The following NIPAL2 variants were observed in gnomAD, a reference collection of about 807,000 sequenced individuals.
The protein encoded by NIPAL2 is NIPA like domain containing 2, also known as NIPA-like protein 2.
NIPAL2 carries 43 observed loss-of-function variants against 48.9 expected under a neutral mutation model. That is an observed-to-expected ratio of 0.88 (90% CI 0.69 to 1.13). The LOEUF (loss-of-function observed/expected upper bound fraction) is 1.13, where lower values mean the gene tolerates loss of function less well. Among genes scored for constraint, NIPAL2 ranks in the 50% most tolerant of loss-of-function variants. The pLI is 0.00. For synonymous variants in NIPAL2, 167 were observed against 174.6 expected (o/e 0.96, Z 0.34); for missense variants, 446 against 461.4 (o/e 0.97, Z 0.31).
At chr8:98,275,444 C>G (rs1431969785) in intron 1 of NIPAL2, among the ~76,000 whole-genome samples, 1 of 152,136 alleles carries the variant, frequency 6.6e-6, no homozygotes, top group Non-Finnish European at 1.5e-5. Context: ...CATTCCTTCT[C>G]ATTGCTGAGT....
At chr8:98,265,896 T>C (rs1814692757) in intron 1 of NIPAL2, among the ~76,000 whole-genome samples, 1 of 151,650 alleles carries the variant, frequency 6.6e-6, no homozygotes, top group Non-Finnish European at 1.5e-5. Flanking sequence ...TGTCCAACAA[T>C]GATAGACTGG....
chr8:98,289,722 A>C (rs1429706569), intron 1 of NIPAL2, among the ~76,000 whole-genome samples: 1 of 152,140 alleles, frequency 6.6e-6, no homozygotes, highest in African/African-American at 2.4e-5. Context: ...ATACATAAGG[A>C]AGGGAACAAA....
intron 1 of NIPAL2, among the ~76,000 whole-genome samples, chr8:98,288,825 A>C (rs890194167): frequency 1.3e-5 from 2 of 152,244 alleles, no homozygotes; most frequent in African/African-American, 4.8e-5. Context: ...ATAAATTGTC[A>C]TACGGGAAAT....
At chr8:98,212,603 GAGGGTGA>G in intron 5 of NIPAL2, 102 bp from the exon 6 acceptor site, 1 of 621,094 alleles carries the variant, frequency 1.6e-6, no homozygotes, top group Non-Finnish European at 2.8e-6. Context: ...TATGAGCGTT[GAGGGTGA>G]CTGAGGTTCC....
chr8:98,224,987 C>T (rs1220039886), intron 4 of NIPAL2, among the ~76,000 whole-genome samples: 8 of 152,016 alleles, frequency 5.3e-5, no homozygotes, highest in Admixed American at 4.6e-4. Context: ...GAACTCTTGA[C>T]ATCAGGTGAT....
intron 3 of NIPAL2, among the ~76,000 whole-genome samples, chr8:98,244,345 A>G (rs4735546): frequency 0.048 from 916 of 18,962 alleles, 46 homozygotes; most frequent in Middle Eastern, 0.059. Context: ...TAATGATGAG[A>G]GGGTGGGCGT....
At chr8:98,270,439 T>C (rs937451186) in intron 1 of NIPAL2, among the ~76,000 whole-genome samples, 3 of 152,214 alleles carry the variant, frequency 2.0e-5, no homozygotes, top group Non-Finnish European at 4.4e-5. Flanking sequence ...TGATTAGTGA[T>C]GTTCAGCATT....
At chr8:98,264,753 C>A (rs1814598590) in intron 1 of NIPAL2, among the ~76,000 whole-genome samples, 1 of 152,068 alleles carries the variant, frequency 6.6e-6, no homozygotes, top group South Asian at 2.1e-4. Flanking sequence ...CTACCAATGC[C>A]TTTCTTCATA....
rs751851260 is a variant in NIPAL2 at position 98,194,823 on chromosome 8, C to T, written c.945-1G>A. ...TACACCAAGGAATGACAGAAAACACCTGTAAGGATAATATTAATAAAGAAT... is the reference window on the plus strand; with the variant it reads ...TACACCAAGGAATGACAGAAAACACTTGTAAGGATAATATTAATAAAGAAT... On this transcript the variant is annotated splice_acceptor_variant, in intron 9 of 10. Transcript: ENST00000430223. LOFTEE classifies it high-confidence loss of function. 1 of 1,533,894 alleles carries T rather than the reference C, an allele frequency of 6.5e-7. No homozygotes were observed.
chr8:98,253,124 T>G (rs1813684335), intron 2 of NIPAL2, among the ~76,000 whole-genome samples: 1 of 152,144 alleles, frequency 6.6e-6, no homozygotes, highest in Non-Finnish European at 1.5e-5. Flanking sequence ...GTAACCCTTA[T>G]TTTACTTACT....
At chr8:98,288,871 A>C (rs1009569773) in intron 1 of NIPAL2, among the ~76,000 whole-genome samples, 1 of 152,168 alleles carries the variant, frequency 6.6e-6, no homozygotes, top group Non-Finnish European at 1.5e-5. Context: ...TCCCCACACA[A>C]ACCCTCCCTT....
intron 1 of NIPAL2, among the ~76,000 whole-genome samples, chr8:98,287,211 G>C (rs973319312): frequency 3.3e-5 from 5 of 152,170 alleles, no homozygotes; most frequent in Non-Finnish European, 7.3e-5. Context: ...ACTACAGTCA[G>C]GGTCTATGAA....
At chr8:98,235,393 A>G (rs1006119431) in intron 4 of NIPAL2, among the ~76,000 whole-genome samples, 3 of 152,260 alleles carry the variant, frequency 2.0e-5, no homozygotes, top group African/African-American at 7.2e-5. Flanking sequence ...CAGGAAGGCT[A>G]CTGTCATTTT....
At chr8:98,212,541 G>A (rs377152621) in intron 5 of NIPAL2, 40 bp from the exon 6 acceptor site, 1 of 1,023,850 alleles carries the variant, frequency 9.8e-7, no homozygotes, top group Non-Finnish European at 1.5e-6. Flanking sequence ...GTTATTCTAT[G>A]CAAAGTCTTC....
intron 7 of NIPAL2, among the ~76,000 whole-genome samples, chr8:98,204,132 A>C (rs1443675700): frequency 6.6e-6 from 1 of 152,180 alleles, no homozygotes; most frequent in Non-Finnish European, 1.5e-5. Flanking sequence ...TATGGTATGA[A>C]GATAATGCCA....
At chr8:98,287,645 T>C (rs1816254211) in intron 1 of NIPAL2, among the ~76,000 whole-genome samples, 1 of 152,246 alleles carries the variant, frequency 6.6e-6, no homozygotes, top group South Asian at 2.1e-4. Context: ...ACTTGCTATG[T>C]GTCTGGCATT....
At chr8:98,195,677 A>C in intron 9 of NIPAL2, 1 of 338,614 alleles carries the variant, frequency 3.0e-6, no homozygotes, top group Non-Finnish European at 5.4e-6. Flanking sequence ...CAGTAACTAC[A>C]AGGGCCAGTG....
At chr8:98,212,607 G>T (rs920590240) in intron 5 of NIPAL2, 106 bp from the exon 6 acceptor site, 5 of 618,584 alleles carry the variant, frequency 8.1e-6, no homozygotes, top group South Asian at 3.9e-5. Context: ...AGCGTTGAGG[G>T]TGACTGAGGT....
intron 10 of NIPAL2, chr8:98,193,297 G>T: frequency 6.9e-7 from 1 of 1,449,422 alleles, no homozygotes; most frequent in Non-Finnish European, 9.7e-7. Context: ...CTGTGTCAGA[G>T]CCACTATCCC....
Sources: gnomAD v4.1 joint callset for allele counts (sites outside exome capture counted in the v4.1 genomes callset) on GRCh38, gnomAD v4.1.1 for gene constraint, MANE v1.5 for transcripts, NCBI Gene and HGNC (gene_info 2026-07-23, HGNC 2026-07-21) for gene names.